The following LRRIQ1 variants were observed in gnomAD, a reference collection of about 807,000 sequenced individuals.
The protein encoded by LRRIQ1 is leucine-rich repeat- and IQ domain-containing protein 1.
LRRIQ1 carries 210 observed loss-of-function variants against 211.9 expected under a neutral mutation model. The observed-to-expected ratio is 0.99, with a 90% CI of 0.89 to 1.11. LRRIQ1 has a LOEUF of 1.11. Ranked by LOEUF, LRRIQ1 falls within the 50% of genes most tolerant of loss-of-function variation. The pLI is 0.00. For synonymous variants in LRRIQ1, 699 were observed against 650.1 expected (o/e 1.08, Z -1.14); for missense variants, 2,136 against 1,939.5 (o/e 1.10, Z -1.90).
intron 24 of LRRIQ1, among the ~76,000 whole-genome samples, chr12:85,196,484 G>A (rs1892919555): frequency 6.6e-6 from 1 of 151,888 alleles, no homozygotes; most frequent in Non-Finnish European, 1.5e-5. Flanking sequence ...CAGAGATATA[G>A]ATCAATGGAA....
At chr12:85,249,179 G>T (rs1215169782), downstream of LRRIQ1, among the ~76,000 whole-genome samples, 1 of 151,660 alleles carries the variant, frequency 6.6e-6, no homozygotes, top group African/African-American at 2.4e-5. Context: ...ATTGCTAGGA[G>T]TTCATGCCTA....
downstream of LRRIQ1, among the ~76,000 whole-genome samples, chr12:85,267,332 T>C (rs1335711593): frequency 1.3e-5 from 2 of 152,132 alleles, no homozygotes; most frequent in Admixed American, 6.6e-5. Flanking sequence ...TTTTATTTAA[T>C]GGAATTATGA....
intron 11 of LRRIQ1, among the ~76,000 whole-genome samples, chr12:85,083,048 C>T (rs1884459947): frequency 6.6e-6 from 1 of 152,144 alleles, no homozygotes; most frequent in African/African-American, 2.4e-5. Flanking sequence ...TTATCCCACT[C>T]TACTGAATAT....
intron 24 of LRRIQ1, among the ~76,000 whole-genome samples, chr12:85,201,148 A>T (rs2137017854): frequency 6.6e-6 from 1 of 150,604 alleles, no homozygotes; most frequent in South Asian, 2.1e-4. Context: ...TAGCTTTTTG[A>T]TGTGCTGCTA....
intron 11 of LRRIQ1, among the ~76,000 whole-genome samples, chr12:85,084,638 C>T (rs1408870188): frequency 1.3e-5 from 2 of 151,850 alleles, no homozygotes; most frequent in African/African-American, 2.4e-5. Flanking sequence ...TTTAAAAGTA[C>T]AGTGAGGCTG....
At chr12:85,192,968 TATATATAAATATATAATTATATAATATA>T (rs1565894857) in intron 24 of LRRIQ1, among the ~76,000 whole-genome samples, 46 of 27,186 alleles carry the variant, frequency 1.7e-3, no homozygotes, top group Middle Eastern at 0.017. Flanking sequence ...ATAATATAAT[TATATATAAATATATAATTATATAATATA>T]ATATATAAAT....
chr12:85,250,292 T>C (rs577365425), intron 1 of LRRIQ1, among the ~76,000 whole-genome samples: 5 of 152,020 alleles, frequency 3.3e-5, no homozygotes, highest in Non-Finnish European at 7.4e-5. Context: ...CTCAGAGCTT[T>C]GCAAAACCCT....
intron 8 of LRRIQ1, among the ~76,000 whole-genome samples, chr12:85,064,476 T>A (rs182489703): frequency 1.3e-5 from 2 of 151,990 alleles, no homozygotes; most frequent in East Asian, 1.9e-4. Context: ...GGACTGTCTC[T>A]CCACTTTGTT....
chr12:85,174,614 A>G (rs1891590309), intron 24 of LRRIQ1, among the ~76,000 whole-genome samples: 1 of 149,476 alleles, frequency 6.7e-6, no homozygotes, highest in Non-Finnish European at 1.5e-5. Context: ...AGAAAAGAGA[A>G]TCACTTGAAC....
At chr12:85,204,231 C>T (rs966173061) in intron 24 of LRRIQ1, among the ~76,000 whole-genome samples, 6 of 152,192 alleles carry the variant, frequency 3.9e-5, no homozygotes, top group African/African-American at 1.4e-4. Flanking sequence ...GTTCAGGAAC[C>T]TCTGCCTAGA....
At chr12:85,208,480 G>A (rs1893674885) in intron 24 of LRRIQ1, among the ~76,000 whole-genome samples, 1 of 151,970 alleles carries the variant, frequency 6.6e-6, no homozygotes, top group African/African-American at 2.4e-5. Flanking sequence ...TAAGCCACAA[G>A]AATGATAGTA....
Position 85,077,892 on chromosome 12 carries a change from A to T in LRRIQ1, c.2887+4794A>T, listed in dbSNP as rs149323760. On this transcript the variant is annotated intron_variant, in intron 11 of 26. Coordinates refer to ENST00000393217, the MANE Select transcript of LRRIQ1 (RefSeq NM_001079910.2). ...AGCTCCAGCTACTTGGGAGGCTGAGATGGGAGAATCACTTGAGCTTGGGGG... is the reference window on the plus strand; with the variant it reads ...AGCTCCAGCTACTTGGGAGGCTGAGTTGGGAGAATCACTTGAGCTTGGGGG... 3.3e-3 allele frequency among the ~76,000 whole-genome samples: 506 copies of T among 152,012 alleles called. 3 individuals carry two copies. The highest frequency in any genetic ancestry group is 0.01 in the Middle Eastern group (3 of 294).
In LRRIQ1 at chr12:85,189,036, A is replaced by G. The variant is rs141781355; in HGVS notation, c.4822+28322A>G. Among the ~76,000 whole-genome samples the G allele has an allele frequency of 1.4e-3, 217 of 152,244 alleles. 3 individuals are homozygous for G. In the East Asian group the frequency reaches 0.037, roughly 26 times the overall value. ...AGACTGCACAAGGTGGAGAATCTCA[A>G]ATCCAAGCAAGTACAGGCACAAAAC... On this transcript the variant is annotated intron_variant, in intron 24 of 26. Coordinates refer to ENST00000393217, the MANE Select transcript of LRRIQ1 (RefSeq NM_001079910.2).
At chr12:85,094,176 C>G (rs1885657751) in intron 11 of LRRIQ1, among the ~76,000 whole-genome samples, 1 of 152,174 alleles carries the variant, frequency 6.6e-6, no homozygotes, top group Non-Finnish European at 1.5e-5. Context: ...GGAGAGATAG[C>G]AACCAAAATG....
intron 1 of LRRIQ1, among the ~76,000 whole-genome samples, chr12:85,259,840 G>C (rs971948723): frequency 6.6e-6 from 1 of 151,942 alleles, no homozygotes; most frequent in East Asian, 1.9e-4. Flanking sequence ...ATAGGTTTAC[G>C]TTGTGAGTAA....
the LRRIQ1 span, among the ~76,000 whole-genome samples, chr12:85,270,630 A>G: frequency 6.6e-6 from 1 of 151,984 alleles, no homozygotes; most frequent in Non-Finnish European, 1.5e-5. Context: ...TATTTTTTCT[A>G]TGTCCATAAT....
chr12:85,054,545 A>G (rs1880748036), intron 7 of LRRIQ1, among the ~76,000 whole-genome samples: 1 of 151,546 alleles, frequency 6.6e-6, no homozygotes, highest in Non-Finnish European at 1.5e-5. Context: ...TTATTCAGGA[A>G]CTCCTACTAG....
chr12:85,119,508 T>G (rs74975744), intron 15 of LRRIQ1, among the ~76,000 whole-genome samples: 3,133 of 152,270 alleles, frequency 0.021, 141 homozygotes, highest in East Asian at 0.2. Context: ...AATTTTCAAT[T>G]CATTTGAATA....
intron 26 of LRRIQ1, among the ~76,000 whole-genome samples, chr12:85,236,737 CAT>C (rs1206701048): frequency 6.8e-6 from 1 of 147,394 alleles, no homozygotes; most frequent in African/African-American, 2.5e-5. Context: ...TTTTTGGATA[CAT>C]ATATATATTT....
Sources: gnomAD v4.1 joint callset for allele counts (sites outside exome capture counted in the v4.1 genomes callset) on GRCh38, gnomAD v4.1.1 for gene constraint, MANE v1.5 for transcripts, NCBI Gene and HGNC (gene_info 2026-07-23, HGNC 2026-07-21) for gene names.